The following TLK1 variants were observed in gnomAD, a reference collection of about 807,000 sequenced individuals.
TLK1 encodes tousled like kinase 1.
Under a neutral mutation model 105.3 loss-of-function variants are expected in TLK1, and 24 were observed. The ratio of observed to expected loss-of-function variants is 0.23; its 90% CI spans 0.17 to 0.32. The LOEUF (loss-of-function observed/expected upper bound fraction) is 0.32. TLK1 is among the 10% of genes least tolerant of loss of function. TLK1 has a pLI of 1.00. For synonymous variants in TLK1, 321 were observed against 310.4 expected, an observed-to-expected ratio of 1.03 and a Z score of -0.36; for missense variants, 558 against 910.5, an observed-to-expected ratio of 0.61 and a Z score of 4.98.
chr2:171,170,940 G>A (rs1216607053), intron 1 of TLK1, among the ~76,000 whole-genome samples: 2 of 152,068 alleles, frequency 1.3e-5, no homozygotes, highest in East Asian at 1.9e-4. Flanking sequence ...AAATGAGGCT[G>A]GGTCAAATGG....
chr2:171,155,494 C>T (rs889678015), intron 1 of TLK1: 1 of 152,112 alleles, frequency 6.6e-6, no homozygotes, highest in Admixed American at 6.5e-5. Context: ...TAGTTTCATA[C>T]TACTGACTTG....
chr2:170,997,895 T>C, intron 18 of TLK1, 72 bp from the exon 19 acceptor site: 4 of 886,482 alleles, frequency 4.5e-6, no homozygotes, highest in Non-Finnish European at 6.9e-6. Context: ...AAGTGTAAAA[T>C]CTTAGAACAC....
At chr2:171,122,317 T>C (rs1690687277) in intron 1 of TLK1, among the ~76,000 whole-genome samples, 1 of 152,224 alleles carries the variant, frequency 6.6e-6, no homozygotes. Flanking sequence ...GTGTAATTCC[T>C]GGCACATAAT....
intron 4 of TLK1, 114 bp downstream of exon 4, chr2:171,060,967 C>A: frequency 1.9e-6 from 2 of 1,048,424 alleles, no homozygotes; most frequent in Admixed American, 4.7e-5. Flanking sequence ...CCTGTGCACA[C>A]ACCAAAATTT....
rs572067087 is a variant in TLK1, at chr2:171,144,455, T to C, written c.139+15835A>G. ...ACCAGCATCAACAAACTGAAAAGGATAAAAAGGATACAAAGTACGTTCTCT... is the reference window on the plus strand; with the variant it reads ...ACCAGCATCAACAAACTGAAAAGGACAAAAAGGATACAAAGTACGTTCTCT... On this transcript the variant is annotated intron_variant, in intron 1 of 20. Coordinates refer to ENST00000431350, the MANE Select transcript of TLK1 (RefSeq NM_012290.5). Among the ~76,000 whole-genome samples, 6 of 151,978 alleles carry C rather than the reference T, an allele frequency of 3.9e-5. No individual in the cohort carries two copies. The South Asian group carries it at 1.2e-3, about 32-fold the overall frequency.
intron 2 of TLK1, among the ~76,000 whole-genome samples, chr2:171,096,821 C>T (rs1170873628): frequency 1.3e-5 from 2 of 151,342 alleles, no homozygotes; most frequent in African/African-American, 4.9e-5. Flanking sequence ...ATAAAACTGT[C>T]GAAAGAAATT....
rs1371898504 is a variant in TLK1, at chr2:171,011,469, CA to C, written c.1335-16del. 4.4e-6 allele frequency: 7 copies of C among 1,597,984 alleles called. No homozygotes were observed. In the African/African-American group the frequency reaches 6.8e-5, roughly 15 times the overall value. On this transcript the variant is annotated splice_polypyrimidine_tract_variant and intron_variant, in intron 13 of 20. Transcript: ENST00000431350. ...GATCTTTGAACCTTAGAGGTGGGGG[CA>C]AAAAACAGACATATTAAAACACACA... is the stretch of plus-strand genomic sequence containing the variant.
chr2:171,005,699 C>T (rs1684621110), intron 18 of TLK1, among the ~76,000 whole-genome samples: 1 of 152,198 alleles, frequency 6.6e-6, no homozygotes, highest in Non-Finnish European at 1.5e-5. Context: ...CACCACTGCA[C>T]AGGGCAAGAC....
chr2:171,030,749 T>C (rs1310372443), intron 11 of TLK1, among the ~76,000 whole-genome samples: 2 of 152,216 alleles, frequency 1.3e-5, no homozygotes, highest in Non-Finnish European at 2.9e-5. Flanking sequence ...TTAAATTTGT[T>C]TTCTTTCTAT....
chr2:171,012,079 T>G (rs572267116), intron 13 of TLK1, among the ~76,000 whole-genome samples: 4 of 152,260 alleles, frequency 2.6e-5, no homozygotes, highest in African/African-American at 7.2e-5. Flanking sequence ...AGTTGTTTTT[T>G]TTTTTAGAAT....
chr2:171,175,911 A>G (rs1420547804), intron 1 of TLK1, among the ~76,000 whole-genome samples: 2 of 151,216 alleles, frequency 1.3e-5, no homozygotes, highest in Non-Finnish European at 2.9e-5. Flanking sequence ...TGGAGTCAGG[A>G]TATCAAGGTT....
chr2:171,209,198 C>T (rs1367377772), intron 1 of TLK1, among the ~76,000 whole-genome samples: 1 of 152,072 alleles, frequency 6.6e-6, no homozygotes, highest in African/African-American at 2.4e-5. Context: ...TTTGCATTTG[C>T]TTTTATTTGC....
chr2:171,054,055 G>A (rs141504205), intron 7 of TLK1: 318 of 401,304 alleles, frequency 7.9e-4, no homozygotes, highest in African/African-American at 5.7e-3. Flanking sequence ...CATCTAGAAA[G>A]GCCAATTACT....
chr2:171,064,014 TG>T (rs1687876103), intron 3 of TLK1, among the ~76,000 whole-genome samples: 1 of 152,242 alleles, frequency 6.6e-6, no homozygotes, highest in African/African-American at 2.4e-5. Context: ...CTTTTTCCTC[TG>T]AGGCAGAATT....
At chr2:171,053,710 G>T in intron 8 of TLK1, 51 bp downstream of exon 8, 1 of 1,413,130 alleles carries the variant, frequency 7.1e-7, no homozygotes, top group Non-Finnish European at 9.7e-7. Flanking sequence ...CAGTTTGACT[G>T]TTGCCAAATA....
intron 1 of TLK1, among the ~76,000 whole-genome samples, chr2:171,190,576 C>G (rs1210734398): frequency 1.3e-5 from 2 of 152,082 alleles, no homozygotes; most frequent in African/African-American, 4.8e-5. Context: ...GAAACTTTTC[C>G]AGATTACCAA....
intron 14 of TLK1, among the ~76,000 whole-genome samples, chr2:171,007,409 G>A (rs1684696979): frequency 6.6e-6 from 1 of 151,906 alleles, no homozygotes. Context: ...ACAGATGACT[G>A]TACCACTTTT....
At chr2:171,206,070 A>C (rs1188597651) in intron 1 of TLK1, among the ~76,000 whole-genome samples, 1 of 152,204 alleles carries the variant, frequency 6.6e-6, no homozygotes, top group East Asian at 1.9e-4. Flanking sequence ...ATGCAAAAAG[A>C]TTCTTATTAC....
At chr2:171,223,832 A>T in intron 1 of TLK1, among the ~76,000 whole-genome samples, 1 of 144,980 alleles carries the variant, frequency 6.9e-6, no homozygotes, top group African/African-American at 2.6e-5. Flanking sequence ...GAGTTGTTTG[A>T]GCTCCTTGTA....
Sources: gnomAD v4.1 joint callset for allele counts (sites outside exome capture counted in the v4.1 genomes callset) on GRCh38, gnomAD v4.1.1 for gene constraint, MANE v1.5 for transcripts, NCBI Gene and HGNC (gene_info 2026-07-23, HGNC 2026-07-21) for gene names.